The following PKP1 variants were observed in gnomAD, a reference collection of about 807,000 sequenced individuals.
PKP1 encodes the protein plakophilin-1.
Under a neutral mutation model 76.4 loss-of-function variants are expected in PKP1, and 27 were observed. The ratio of observed to expected loss-of-function variants is 0.35; its 90% CI spans 0.26 to 0.49. The LOEUF is 0.49. PKP1 is among the 20% of genes least tolerant of loss of function. The pLI is 0.99. For synonymous variants in PKP1, 404 were observed against 384.2 expected (o/e 1.05, Z -0.60); for missense variants, 964 against 955.2 (o/e 1.01, Z -0.12).
chr1:201,303,761 G>C (rs1656298394), intron 2 of PKP1, among the ~76,000 whole-genome samples: 1 of 152,170 alleles, frequency 6.6e-6, no homozygotes, highest in Non-Finnish European at 1.5e-5. Flanking sequence ...AGATATTGCT[G>C]TGTCCTTGAT....
In PKP1 at chr1:201,322,996, C is replaced by G. The variant is rs375854606; in HGVS notation, c.1504-17C>G. 1 of 1,613,326 alleles carries G rather than the reference C, an allele frequency of 6.2e-7. No individual in the cohort carries two copies. The highest frequency in any genetic ancestry group is 2.2e-5 in the East Asian group (1 of 44,872). On this transcript the variant is annotated splice_polypyrimidine_tract_variant and intron_variant, in intron 8 of 13. Coordinates refer to ENST00000367324, the MANE Select transcript of PKP1 (RefSeq NM_001005337.3). ...AAGGCTCCCCATTGACCCCCCTGAC[C>G]GGCTCTTTATCCTCAGAACAACAAC...
At chr1:201,313,666 T>A (rs1465766605) in intron 3 of PKP1, 106 bp downstream of exon 3, 29 of 1,222,416 alleles carry the variant, frequency 2.4e-5, no homozygotes, top group Non-Finnish European at 3.3e-5. Flanking sequence ...AGGAGAGACA[T>A]AGCTTCTGTC....
In PKP1 at chr1:201,320,170, C is replaced by T. The variant is rs1028983390; in HGVS notation, c.1233-97C>T. 4 of 796,804 alleles carry T rather than the reference C, an allele frequency of 5.0e-6. No homozygotes were observed. In the Admixed American group the frequency reaches 7.9e-5, roughly 16 times the overall value. 49.4% of individuals were successfully genotyped at this position (796,804 alleles called of 1,614,324 possible). On this transcript the variant is annotated intron_variant, in intron 6 of 13. Coordinates refer to ENST00000367324, the MANE Select transcript of PKP1 (RefSeq NM_001005337.3). Reference sequence around the variant, plus strand: ...TGCCCTCCCCTCTCCTGCCTGTTCTCTCTCCTGCCTGTCCCCCACCACACT... The same window carrying T: ...TGCCCTCCCCTCTCCTGCCTGTTCTTTCTCCTGCCTGTCCCCCACCACACT...
intron 11 of PKP1, 101 bp downstream of exon 11, chr1:201,325,228 G>A: frequency 1.6e-6 from 2 of 1,234,962 alleles, no homozygotes; most frequent in Non-Finnish European, 2.3e-6. Flanking sequence ...AGTAGGGGAA[G>A]CACCAAGGGC....
At chr1:201,313,643 C>T in intron 3 of PKP1, 83 bp downstream of exon 3, 2 of 1,409,042 alleles carry the variant, frequency 1.4e-6, no homozygotes, top group Non-Finnish European at 1.9e-6. Flanking sequence ...CTGCAAAGGG[C>T]TCCTGGGATG....
rs1656964534 is a variant in PKP1, at chr1:201,322,090, A to G, written c.1460A>G (p.Lys487Arg). ...EYNARNAYTEKSSTGCFSNKS... is the reference protein window; with the variant it reads ...EYNARNAYTERSSTGCFSNKS... ...AACGCCCGCAACGCCTACACCGAGAAGTCCTCCACTGGCTGCTTCAGCAAC... is the reference window on the plus strand; with the variant it reads ...AACGCCCGCAACGCCTACACCGAGAGGTCCTCCACTGGCTGCTTCAGCAAC... Residue 487 changes from lysine to arginine, a missense_variant, in exon 8 of 14, where the codon AAG (lysine) becomes AGG (arginine). Transcript: ENST00000367324. 1 of 1,613,026 alleles carries G rather than the reference A, an allele frequency of 6.2e-7. No homozygotes were observed. Among genetic ancestry groups the G allele is most frequent in the Middle Eastern group, 1.7e-4 (1 of 6,060 alleles).
At position 201,324,575 on chromosome 1, in the gene PKP1, G is replaced by A; in HGVS notation, c.1828G>A (p.Val610Met). 6.2e-7 allele frequency: 1 copy of A among 1,614,152 alleles called. No homozygotes were observed. Among genetic ancestry groups the A allele is most frequent in the Non-Finnish European group, 8.5e-7 (1 of 1,180,026 alleles). Residue 610 changes from valine (V) to methionine (M), a missense_variant, in exon 10 of 14, where the codon GTG becomes ATG. Coordinates refer to ENST00000367324, the MANE Select transcript of PKP1 (RefSeq NM_001005337.3). ...GTCCCGCCACCCTCTGCTGCACAGA[G>A]TGATGGGTAAGGTCCCTCTCTCTCC... is the stretch of plus-strand genomic sequence containing the variant. ...NMSRHPLLHRVMGNQVFPEVT... is the reference protein window; with the variant it reads ...NMSRHPLLHRMMGNQVFPEVT...
chr1:201,284,762 G>A (rs1655679087), intron 1 of PKP1, among the ~76,000 whole-genome samples: 1 of 152,148 alleles, frequency 6.6e-6, no homozygotes, highest in South Asian at 2.1e-4. Context: ...GGGAGAGTAC[G>A]GAATGGCAGG....
Position 201,325,053 on chromosome 1 carries a change from C to T in PKP1, c.1947C>T (p.Ala649=), listed in dbSNP as rs1558196470. 1.2e-6 allele frequency: 2 copies of T among 1,613,912 alleles called. No homozygotes were observed. The highest frequency in any genetic ancestry group is 1.7e-6 in the Non-Finnish European group (2 of 1,180,002). Residue 649 remains alanine, a synonymous_variant, in exon 11 of 14, where the codon GCC becomes GCT. Coordinates refer to ENST00000367324, the MANE Select transcript of PKP1 (RefSeq NM_001005337.3). ...GCTACACTGTGAGGAACCTGATGGC[C>T]TCGCAGCCACAACTGGCCAAGCAGT... ...SACYTVRNLM[A]SQPQLAKQYF...
chr1:201,313,707 G>A lies in PKP1; in HGVS notation c.701+147G>A, dbSNP rs941916225. 8.1e-6 allele frequency: 7 copies of A among 865,680 alleles called. No homozygotes were observed. In the African/African-American group the frequency reaches 8.5e-5, roughly 10 times the overall value. 53.6% of individuals were successfully genotyped at this position (865,680 alleles called of 1,614,324 possible). A position where few individuals can be genotyped will look rare whatever the true frequency, so the allele number is the denominator to read the frequency against. ...GGAGTTCATTGCCCCTGGTGTAATG[G>A]ACTCCCTAATGGGGAGAACCTGGCC... On this transcript the variant is annotated intron_variant, in intron 3 of 13. Transcript: ENST00000367324.
rs760352453 is a variant in PKP1 at position 201,317,639 on chromosome 1, A to T, written c.914A>T (p.Gln305Leu). The change falls in exon 5 of 14, where the codon CAG (glutamine) becomes CTG (leucine). Residue 305 changes from glutamine (Q) to leucine (L), a missense_variant. By Grantham distance (113) the Gln-to-Leu change is moderately radical (BLOSUM62 -2). Transcript: ENST00000367324. ...CGCAGCCCCAACCAGAACGTCCAGCAGGCCGCGGCAGGGGCCCTGCGCAAC... is the reference window on the plus strand; with the variant it reads ...CGCAGCCCCAACCAGAACGTCCAGCTGGCCGCGGCAGGGGCCCTGCGCAAC... ...LLRSPNQNVQ[Q>L]AAAGALRNLV... 6.2e-7 allele frequency: 1 copy of T among 1,614,038 alleles called. No individual in the cohort carries two copies. The highest frequency in any genetic ancestry group is 1.7e-5 in the Admixed American group (1 of 60,022).
intron 2 of PKP1, among the ~76,000 whole-genome samples, chr1:201,309,238 G>C (rs538600702): frequency 6.6e-6 from 1 of 151,986 alleles, no homozygotes; most frequent in African/African-American, 2.4e-5. Context: ...AGGAATAGAG[G>C]GGAGCTTTCA....
In PKP1 at chr1:201,306,649, C is replaced by G. The variant is rs545718414; in HGVS notation, c.307-6517C>G. On this transcript the variant is annotated intron_variant, in intron 2 of 13. Transcript: ENST00000367324. Reference sequence around the variant, plus strand: ...ATTAACCAGATCTCTGGGGAAGTCTCTACTCTGAGGATGGGCACCAAAACT... The same window carrying G: ...ATTAACCAGATCTCTGGGGAAGTCTGTACTCTGAGGATGGGCACCAAAACT... Among the ~76,000 whole-genome samples the G allele has an allele frequency of 2.0e-5, 3 of 152,244 alleles. No homozygotes were observed. The South Asian group carries it at 6.2e-4, about 32-fold the overall frequency.
chr1:201,292,476 G>A (rs560553347), intron 1 of PKP1, among the ~76,000 whole-genome samples: 84 of 152,300 alleles, frequency 5.5e-4, no homozygotes, highest in African/African-American at 1.9e-3. Flanking sequence ...GAGTTGGGCA[G>A]CACTCTCTGC....
At chr1:201,317,826 C>A in intron 5 of PKP1, 47 bp downstream of exon 5, 1 of 1,554,608 alleles carries the variant, frequency 6.4e-7, no homozygotes, top group Non-Finnish European at 8.8e-7. Context: ...CTGTGCAAGG[C>A]CACTGGCTAT....
intron 6 of PKP1, chr1:201,319,739 A>G: frequency 7.0e-7 from 1 of 1,436,852 alleles, no homozygotes; most frequent in Non-Finnish European, 9.8e-7. Flanking sequence ...GTGGAGAGGG[A>G]GCTTCTGGTG....
intron 2 of PKP1, among the ~76,000 whole-genome samples, chr1:201,308,684 G>C (rs1004589161): frequency 1.3e-5 from 2 of 152,072 alleles, no homozygotes; most frequent in Non-Finnish European, 2.9e-5. Context: ...TCATGGGGCA[G>C]CTTAGAGGGG....
rs901655074 is a variant in PKP1 at position 201,332,953 on chromosome 1, A to G, written c.*2912A>G. 6.6e-6 allele frequency: 1 copy of G among 152,244 alleles called. No individual in the cohort carries two copies. 9.4% of individuals were successfully genotyped at this position (152,244 alleles called of 1,614,324 possible). ...ACTAATGTATTTGCTTTTTTTGGAA[A>G]TAGAGAAAATCAATAAATTGCTAGT... On this transcript the variant is annotated 3_prime_UTR_variant, in exon 14 of 14. Transcript: ENST00000367324.
Position 201,328,838 on chromosome 1 carries a change from A to G in PKP1, c.*2A>G. ...AGGAACTTCACCTCCCGATTCTAAG[A>G]AGAGACTGTCCAAGCAAGTTAGGCT... On this transcript the variant is annotated 3_prime_UTR_variant, in exon 13 of 14. Coordinates refer to ENST00000367324, the MANE Select transcript of PKP1 (RefSeq NM_001005337.3). The G allele has an allele frequency of 6.2e-7, 1 of 1,613,032 alleles. No homozygotes were observed. The highest frequency in any genetic ancestry group is 8.5e-7 in the Non-Finnish European group (1 of 1,178,972).
Sources: allele counts gnomAD v4.1 joint callset (sites outside exome capture counted in the v4.1 genomes callset), GRCh38; gene constraint gnomAD v4.1.1; transcripts MANE v1.5; gene names NCBI Gene and HGNC (gene_info 2026-07-23, HGNC 2026-07-21).